Variants in HSPE1 observed in about 807,000 individuals in gnomAD.
HSPE1 encodes 10 kDa heat shock protein, mitochondrial.
HSPE1 carries 1 observed loss-of-function variant against 13.2 expected under a neutral mutation model. The ratio of observed to expected loss-of-function variants is 0.08; its 90% CI spans 0.03 to 0.36. The LOEUF (loss-of-function observed/expected upper bound fraction) is 0.36. HSPE1 is among the 10% of genes least tolerant of loss of function. HSPE1 has a pLI of 0.99. For missense variants in HSPE1, 73 were observed against 118.7 expected, an observed-to-expected ratio of 0.62 and a Z score of 1.79; for synonymous variants, 44 against 42.0, an observed-to-expected ratio of 1.05 and a Z score of -0.19.
chr2:197,500,591 C>A, intron 1 of HSPE1, 152 bp downstream of exon 1: 2 of 1,202,466 alleles, frequency 1.7e-6, no homozygotes, highest in Non-Finnish European at 2.4e-6. Context: ...GCAAGGCCCG[C>A]CCGACCCTTT....
chr2:197,503,160 C>A, intron 3 of HSPE1, 32 bp downstream of exon 3: 1 of 1,573,864 alleles, frequency 6.4e-7, no homozygotes, highest in African/African-American at 1.3e-5. Context: ...AAAAAGAAGT[C>A]AGATATTTGC....
chr2:197,502,139 C>T (rs2086264241), intron 2 of HSPE1, among the ~76,000 whole-genome samples: 1 of 152,168 alleles, frequency 6.6e-6, no homozygotes, highest in Non-Finnish European at 1.5e-5. Context: ...TGTATACCTA[C>T]CAGAGGAACA....
intron 3 of HSPE1, 22 bp from the exon 4 acceptor site, chr2:197,503,187 T>G: frequency 6.3e-7 from 1 of 1,598,732 alleles, no homozygotes; most frequent in South Asian, 1.1e-5. Flanking sequence ...TTGTCTTAAC[T>G]AATGGTTTTT....
rs147639869 is a variant in HSPE1 at position 197,502,425 on chromosome 2, G to A, written c.169-614G>A. 2.7e-3 allele frequency among the ~76,000 whole-genome samples: 406 copies of A among 152,262 alleles called. 5 individuals are homozygous for A. The highest frequency in any genetic ancestry group is 9.4e-3 in the African/African-American group (391 of 41,558). On this transcript the variant is annotated intron_variant, in intron 2 of 3. Coordinates refer to ENST00000233893, the MANE Select transcript of HSPE1 (RefSeq NM_002157.3). The stretch of plus-strand genomic sequence containing the variant: ...ATCTCAGCCAAAATACACAGTAAAC[G>A]CCGTTGGGGCCAAATAATGTTAACT...
At chr2:197,500,686 A>C in intron 1 of HSPE1, 1 of 617,744 alleles carries the variant, frequency 1.6e-6, no homozygotes, top group Admixed American at 2.9e-5. Flanking sequence ...GCAGCGTCTC[A>C]CCTGCTTCTG....
intron 2 of HSPE1, 55 bp from the exon 3 acceptor site, chr2:197,502,984 G>C (rs2086274778): frequency 1.1e-6 from 1 of 931,654 alleles, no homozygotes; most frequent in Non-Finnish European, 1.7e-6. Context: ...AAAGTTAACT[G>C]TTTATGTTGG....
chr2:197,500,492 C>G, intron 1 of HSPE1, 53 bp downstream of exon 1: 2 of 829,794 alleles, frequency 2.4e-6, no homozygotes, highest in Non-Finnish European at 3.6e-6. Context: ...CTGAGGCGTA[C>G]GGGGATCCCT....
At chr2:197,501,372 A>G in intron 2 of HSPE1, 134 bp downstream of exon 2, 1 of 1,054,316 alleles carries the variant, frequency 9.5e-7, no homozygotes, top group Admixed American at 3.0e-5. Flanking sequence ...TTTGGTTCTA[A>G]TCTGTTTCTT....
At chr2:197,500,676 G>A (rs985668149) in intron 1 of HSPE1, 7 of 628,642 alleles carry the variant, frequency 1.1e-5, no homozygotes, top group Non-Finnish European at 1.9e-5. Context: ...GGGCGCACGC[G>A]CAGCGTCTCA....
chr2:197,501,830 C>T (rs974439552), intron 2 of HSPE1, among the ~76,000 whole-genome samples: 2 of 151,358 alleles, frequency 1.3e-5, no homozygotes, highest in South Asian at 2.1e-4. Context: ...CAGTGTTTGC[C>T]TTACATTCTA....
At chr2:197,500,596 C>T in intron 1 of HSPE1, 157 bp downstream of exon 1, 2 of 1,119,294 alleles carry the variant, frequency 1.8e-6, no homozygotes, top group South Asian at 1.4e-5. Flanking sequence ...GCCCGCCCGA[C>T]CCTTTTCTCC....
In HSPE1 at chr2:197,500,440, G is replaced by GCA. The variant is rs1481060471; in HGVS notation, c.3+1_3+2insCA. On this transcript the variant is annotated splice_donor_variant, in intron 1 of 3. Transcript: ENST00000233893. LOFTEE classifies it high-confidence loss of function. ...CGAGTCTGAGGCGGAGGGAGTAATG[G>GCA]TGAGTCCCGCGTGGCCCCGAGGCCT... The GCA allele has an allele frequency of 3.8e-6, 6 of 1,599,504 alleles. No homozygotes were observed. Among genetic ancestry groups the GCA allele is most frequent in the Admixed American group, 3.5e-5 (2 of 57,768 alleles).
At chr2:197,502,132 A>G (rs781733151) in intron 2 of HSPE1, among the ~76,000 whole-genome samples, 3 of 152,248 alleles carry the variant, frequency 2.0e-5, no homozygotes, top group East Asian at 3.8e-4. Flanking sequence ...ACCTGGTTGT[A>G]TACCTACCAG....
At chr2:197,501,305 A>T in intron 2 of HSPE1, 67 bp downstream of exon 2, 1 of 1,479,392 alleles carries the variant, frequency 6.8e-7, no homozygotes, top group South Asian at 1.4e-5. Flanking sequence ...GTAATTCTGG[A>T]GTATTAAAAG....
chr2:197,501,044 T>C, intron 1 of HSPE1, 30 bp from the exon 2 acceptor site: 1 of 1,607,220 alleles, frequency 6.2e-7, no homozygotes, highest in Non-Finnish European at 8.5e-7. Context: ...TACATTTAGT[T>C]TTTGTTTCAA....
chr2:197,500,415 C>G lies in HSPE1; in HGVS notation c.-22C>G, dbSNP rs750060845. ...TGCGGCGCTACACTAGAGCAGAGTACGAGTCTGAGGCGGAGGGAGTAATGG... is the reference window on the plus strand; with the variant it reads ...TGCGGCGCTACACTAGAGCAGAGTAGGAGTCTGAGGCGGAGGGAGTAATGG... On this transcript the variant is annotated 5_prime_UTR_variant, in exon 1 of 4. Coordinates refer to ENST00000233893, the MANE Select transcript of HSPE1 (RefSeq NM_002157.3). The G allele has an allele frequency of 1.9e-6, 3 of 1,600,630 alleles. No homozygotes were observed. The highest frequency in any genetic ancestry group is 2.7e-5 in the African/African-American group (2 of 74,748).
intron 2 of HSPE1, among the ~76,000 whole-genome samples, chr2:197,502,072 C>T (rs983050018): frequency 6.6e-6 from 1 of 152,126 alleles, no homozygotes; most frequent in Non-Finnish European, 1.5e-5. Context: ...TTGGACTGTT[C>T]GTTTAACCCC....
rs1341619789 is a variant in HSPE1, at chr2:197,501,187, A to G, written c.117A>G (p.Gly39=). The G allele has an allele frequency of 3.7e-6, 6 of 1,613,952 alleles. No individual in the cohort carries two copies. In the South Asian group the frequency reaches 5.5e-5, roughly 15 times the overall value. The change falls in exon 2 of 4, where the codon GGA becomes GGG. Residue 39 remains glycine (G), a synonymous_variant. Transcript: ENST00000233893. ...GGIMLPEKSQ[G]KVLQATVVAV... ...TTATGCTTCCAGAAAAATCTCAAGGAAAAGTATTGCAAGCAACAGTAGTCG... is the reference window on the plus strand; with the variant it reads ...TTATGCTTCCAGAAAAATCTCAAGGGAAAGTATTGCAAGCAACAGTAGTCG...
chr2:197,501,376 G>A, intron 2 of HSPE1, 138 bp downstream of exon 2: 1 of 994,870 alleles, frequency 1.0e-6, no homozygotes. Context: ...GTTCTAATCT[G>A]TTTCTTAAAG....
Sources: allele counts gnomAD v4.1 joint callset (sites outside exome capture counted in the v4.1 genomes callset), GRCh38; gene constraint gnomAD v4.1.1; transcripts MANE v1.5; gene names NCBI Gene and HGNC (gene_info 2026-07-23, HGNC 2026-07-21).